The following LINGO2 variants were observed in gnomAD, a reference collection of about 807,000 sequenced individuals.
LINGO2 encodes the protein leucine-rich repeat and immunoglobulin-like domain-containing nogo receptor-interacting protein 2.
In LINGO2, 14 loss-of-function variants were observed where a neutral mutation model predicts 30.6. That is an observed-to-expected ratio of 0.46 (90% confidence interval 0.30 to 0.72). The LOEUF (loss-of-function observed/expected upper bound fraction) is 0.72, where lower values mean the gene tolerates loss of function less well. Among genes scored for constraint, LINGO2 ranks in the 30% least tolerant of loss-of-function variants. The pLI is 0.07. For missense variants in LINGO2, 729 were observed against 751.7 expected, an observed-to-expected ratio of 0.97 and a Z score of 0.35; for synonymous variants, 317 against 288.5, an observed-to-expected ratio of 1.10 and a Z score of -1.00.
chr9:28,990,120 G>C, the LINGO2 span, among the ~76,000 whole-genome samples: 14 of 152,336 alleles, frequency 9.2e-5, no homozygotes, highest in African/African-American at 3.4e-4. Context: ...CAAGGGGTCA[G>C]GGAGTTCCCT....
intron 3 of LINGO2, among the ~76,000 whole-genome samples, chr9:28,305,565 C>A (rs1221810818): frequency 6.6e-6 from 1 of 151,894 alleles, no homozygotes; most frequent in East Asian, 1.9e-4. Context: ...TTTTTATAGT[C>A]TAGCAACAAA....
chr9:28,848,358 ATATATTGTGTGTGTGTGTG>A, the LINGO2 span, among the ~76,000 whole-genome samples: 76 of 104,298 alleles, frequency 7.3e-4, 1 homozygote, highest in African/African-American at 2.6e-3. Context: ...ATATATACAC[ATATATTGTGTGTGTGTGTG>A]TGTGTGTGTG....
the LINGO2 span, among the ~76,000 whole-genome samples, chr9:29,182,289 T>C: frequency 1.1e-4 from 16 of 151,844 alleles, no homozygotes; most frequent in African/African-American, 3.9e-4. Flanking sequence ...AACAATAAGT[T>C]AGAAAAAAAG....
chr9:28,940,815 T>C, the LINGO2 span, among the ~76,000 whole-genome samples: 2 of 152,242 alleles, frequency 1.3e-5, no homozygotes, highest in East Asian at 3.9e-4. Context: ...TCCTGCTGTT[T>C]GCAAAACTTA....
chr9:29,212,960 C>T, the LINGO2 span, among the ~76,000 whole-genome samples: 1 of 152,220 alleles, frequency 6.6e-6, no homozygotes, highest in Admixed American at 6.5e-5. Flanking sequence ...TCCTTAAAAT[C>T]CCAAGCCAAG....
intron 4 of LINGO2, among the ~76,000 whole-genome samples, chr9:28,176,066 T>C (rs901518407): frequency 5.6e-4 from 86 of 152,324 alleles, no homozygotes; most frequent in African/African-American, 2.0e-3. Flanking sequence ...TTTTCATGAC[T>C]TTCCATAGTA....
the LINGO2 span, among the ~76,000 whole-genome samples, chr9:29,070,043 A>T: frequency 3.3e-5 from 5 of 151,864 alleles, no homozygotes; most frequent in African/African-American, 1.2e-4. Context: ...CTCACTCTGT[A>T]CAAAGTACTT....
intron 5 of LINGO2, among the ~76,000 whole-genome samples, chr9:27,984,008 GAAGA>G (rs1821008961): frequency 1.3e-5 from 2 of 151,872 alleles, no homozygotes; most frequent in African/African-American, 4.8e-5. Context: ...AGGACGAAAA[GAAGA>G]AAGAGAAAAC....
At chr9:28,010,535 C>T (rs910529520) in intron 5 of LINGO2, among the ~76,000 whole-genome samples, 4 of 152,174 alleles carry the variant, frequency 2.6e-5, no homozygotes, top group Non-Finnish European at 5.9e-5. Flanking sequence ...CTGATTCAAA[C>T]AGGGATGGAG....
intron 1 of LINGO2, among the ~76,000 whole-genome samples, chr9:28,549,388 T>A (rs1426674280): frequency 1.3e-5 from 2 of 152,108 alleles, no homozygotes; most frequent in Non-Finnish European, 2.9e-5. Context: ...ATTTCCTTAT[T>A]TCTTGCCTGT....
chr9:29,182,890 T>C, the LINGO2 span, among the ~76,000 whole-genome samples: 1 of 152,218 alleles, frequency 6.6e-6, no homozygotes, highest in African/African-American at 2.4e-5. Context: ...TCCACCAAAA[T>C]TAGCAGACCA....
chr9:28,252,090 A>G (rs985432328), intron 4 of LINGO2, among the ~76,000 whole-genome samples: 1 of 152,220 alleles, frequency 6.6e-6, no homozygotes, highest in African/African-American at 2.4e-5. Context: ...ATAGATATTG[A>G]TAATTTTCAG....
Position 28,148,947 on chromosome 9 carries a change from G to A in LINGO2, c.-86-136542C>T, listed in dbSNP as rs1587085601. ...TCTCCACACAGAGCTGCCGGCCACA[G>A]TTCCCACAAAAGAAAACTGTCGGGG... On this transcript the variant is annotated intron_variant, in intron 4 of 5. Transcript: ENST00000379992. This position sits in a 1 kb window ranked among gnomAD's most constrained non-coding sequence, Gnocchi z 5.1. The A allele has an allele frequency of 6.5e-7, 1 of 1,534,046 alleles. No individual in the cohort carries two copies. The highest frequency in any genetic ancestry group is 8.7e-7 in the Non-Finnish European group (1 of 1,146,692).
intron 3 of LINGO2, among the ~76,000 whole-genome samples, chr9:28,331,550 GGCTACAGT>G (rs1420025531): frequency 3.2e-4 from 48 of 152,200 alleles, no homozygotes; most frequent in African/African-American, 1.1e-3. Context: ...CTGTCACCCA[GGCTACAGT>G]GCAATGGCCT....
the LINGO2 span, among the ~76,000 whole-genome samples, chr9:29,016,776 C>G: frequency 1.3e-5 from 2 of 152,170 alleles, no homozygotes; most frequent in Non-Finnish European, 2.9e-5. Context: ...TGAAATGCTT[C>G]TTGTTCAAAA....
Position 28,584,145 on chromosome 9 carries a change from G to A in LINGO2, c.-365+86055C>T, listed in dbSNP as rs116853761. Among the ~76,000 whole-genome samples the A allele has an allele frequency of 5.8e-4, 88 of 152,054 alleles. 2 individuals carry two copies. Among genetic ancestry groups the A allele is most frequent in the South Asian group, 1.5e-3 (7 of 4,826 alleles). On this transcript the variant is annotated intron_variant, in intron 1 of 5. Transcript: ENST00000379992. ...ATTTTTGGTGTTTTGTTACAGTAGC[G>A]AAAAACAGATTTAGACACATGCCCT...
At chr9:27,949,219 C>A (rs776730719) in exon 6 of LINGO2, 1 of 1,613,928 alleles carries the variant, frequency 6.2e-7, no homozygotes, top group Non-Finnish European at 8.5e-7. Flanking sequence ...GCATTGCTAG[C>A]GATGCAAACA....
chr9:28,276,252 T>G (rs1051994240), intron 4 of LINGO2, among the ~76,000 whole-genome samples: 8 of 152,166 alleles, frequency 5.3e-5, no homozygotes, highest in African/African-American at 1.9e-4. Context: ...CCTCTCTTCA[T>G]GTACACAGAG....
the LINGO2 span, among the ~76,000 whole-genome samples, chr9:29,166,332 G>T: frequency 6.6e-6 from 1 of 151,972 alleles, no homozygotes; most frequent in East Asian, 1.9e-4. Context: ...ACTCCTACAC[G>T]TTTTACTTAA....
Sources: gnomAD v4.1 joint callset for allele counts (sites outside exome capture counted in the v4.1 genomes callset) on GRCh38, gnomAD v4.1.1 for gene constraint, Gnocchi (gnomAD v3.1) non-coding constraint, MANE v1.5 for transcripts, NCBI Gene and HGNC (gene_info 2026-07-23, HGNC 2026-07-21) for gene names.